NLK: variants seen among roughly 807,000 people sequenced by gnomAD.
NLK encodes the protein nemo like kinase, also known as serine/threonine-protein kinase NLK.
NLK carries 11 observed loss-of-function variants against 59.0 expected under a neutral mutation model. The observed-to-expected ratio is 0.19, with a 90% confidence interval of 0.12 to 0.31. NLK has a LOEUF of 0.31. Among genes scored for constraint, NLK ranks in the 10% least tolerant of loss-of-function variants. The pLI, the probability that NLK is intolerant of heterozygous loss-of-function variation, is 1.00. For synonymous variants in NLK, 235 were observed against 235.9 expected (o/e 1.00, Z 0.03); for missense variants, 410 against 661.1 (o/e 0.62, Z 4.16).
chr17:28,123,074 AC>A (rs1325001026), intron 2 of NLK, among the ~76,000 whole-genome samples: 1 of 152,208 alleles, frequency 6.6e-6, no homozygotes, highest in Non-Finnish European at 1.5e-5. Flanking sequence ...TTCAACCTTA[AC>A]ATATTAGACT....
the NLK span, among the ~76,000 whole-genome samples, chr17:28,201,779 G>A: frequency 6.6e-6 from 1 of 152,124 alleles, no homozygotes; most frequent in East Asian, 1.9e-4. Context: ...ACTTTGGGAG[G>A]CCGAGGCGGG....
intron 5 of NLK, among the ~76,000 whole-genome samples, chr17:28,166,426 C>G (rs1449058102): frequency 2.0e-5 from 3 of 152,028 alleles, no homozygotes; most frequent in Non-Finnish European, 4.4e-5. Flanking sequence ...GAGGGGATTG[C>G]CAAAAATTGG....
chr17:28,075,578 C>CT, intron 1 of NLK, among the ~76,000 whole-genome samples: 1 of 152,180 alleles, frequency 6.6e-6, no homozygotes, highest in Non-Finnish European at 1.5e-5. Context: ...AGCTCTCAGA[C>CT]TTACTTATTT....
intron 3 of NLK, among the ~76,000 whole-genome samples, chr17:28,135,669 A>G (rs1031053160): frequency 1.3e-5 from 2 of 152,246 alleles, no homozygotes; most frequent in Non-Finnish European, 2.9e-5. Context: ...CCATATGTGA[A>G]GAAAGAATGT....
chr17:28,153,223 G>A (rs1484251737), intron 3 of NLK, among the ~76,000 whole-genome samples: 4 of 150,472 alleles, frequency 2.7e-5, no homozygotes, highest in South Asian at 2.1e-4. Context: ...GTGGTGAGCC[G>A]AGATCATGCC....
chr17:28,123,225 G>T (rs963369549), intron 2 of NLK, among the ~76,000 whole-genome samples: 1 of 152,150 alleles, frequency 6.6e-6, no homozygotes, highest in Non-Finnish European at 1.5e-5. Flanking sequence ...CTGAAATGTG[G>T]TGTGCACTCT....
intron 1 of NLK, among the ~76,000 whole-genome samples, chr17:28,075,661 G>T (rs1259206729): frequency 1.3e-5 from 2 of 152,090 alleles, no homozygotes; most frequent in Non-Finnish European, 2.9e-5. Context: ...TTTTGCTTTG[G>T]CTACTATAAA....
intron 2 of NLK, among the ~76,000 whole-genome samples, chr17:28,128,401 T>G (rs1472791640): frequency 6.6e-6 from 1 of 152,206 alleles, no homozygotes; most frequent in Non-Finnish European, 1.5e-5. Context: ...AAATATTCAG[T>G]GTTTGAGGAA....
chr17:28,157,195 A>C (rs1359669503), intron 3 of NLK, among the ~76,000 whole-genome samples: 1 of 147,122 alleles, frequency 6.8e-6, no homozygotes, highest in African/African-American at 2.6e-5. Flanking sequence ...TCTTAAAAAA[A>C]AAATTTTTTT....
At chr17:28,186,836 TGTGAA>T (rs1909137613) in intron 8 of NLK, among the ~76,000 whole-genome samples, 1 of 152,200 alleles carries the variant, frequency 6.6e-6, no homozygotes, top group African/African-American at 2.4e-5. Context: ...CCATGTGGTA[TGTGAA>T]GTGCTTAGTG....
chr17:28,047,910 T>G (rs1909117299), intron 1 of NLK: 1 of 398,342 alleles, frequency 2.5e-6, no homozygotes. Context: ...TTAACTGTGT[T>G]TTACAGGTTG....
intron 3 of NLK, among the ~76,000 whole-genome samples, chr17:28,149,898 A>G (rs1907411285): frequency 6.6e-6 from 1 of 152,216 alleles, no homozygotes; most frequent in Non-Finnish European, 1.5e-5. Context: ...TGGAAAAAAC[A>G]TGGCAAGGGA....
At chr17:28,160,458 AAG>A (rs1907960433) in intron 3 of NLK, among the ~76,000 whole-genome samples, 1 of 152,184 alleles carries the variant, frequency 6.6e-6, no homozygotes. Context: ...CGTGCTTCAC[AAG>A]AGTCTTGAAT....
intron 1 of NLK, among the ~76,000 whole-genome samples, chr17:28,094,207 A>G (rs1369476999): frequency 1.3e-5 from 2 of 152,174 alleles, no homozygotes; most frequent in Non-Finnish European, 2.9e-5. Context: ...CCTAGAATTT[A>G]CTGTATAGGG....
At chr17:28,098,501 G>A (rs182791454) in intron 1 of NLK, among the ~76,000 whole-genome samples, 24 of 152,180 alleles carry the variant, frequency 1.6e-4, no homozygotes, top group Non-Finnish European at 2.5e-4. Context: ...CAGGAAAGGG[G>A]AAGAAAACTG....
intron 4 of NLK, among the ~76,000 whole-genome samples, chr17:28,162,216 C>T (rs1300961682): frequency 1.3e-5 from 2 of 152,022 alleles, no homozygotes; most frequent in Non-Finnish European, 2.9e-5. Flanking sequence ...AGGGTTTCAC[C>T]GTATTAGCCA....
At chr17:28,105,864 G>A (rs1220393489) in intron 1 of NLK, among the ~76,000 whole-genome samples, 2 of 152,150 alleles carry the variant, frequency 1.3e-5, no homozygotes, top group Non-Finnish European at 2.9e-5. Flanking sequence ...ATGCCAACAG[G>A]CTTCAGTGCC....
intron 3 of NLK, among the ~76,000 whole-genome samples, chr17:28,141,678 G>C (rs1033645310): frequency 6.6e-6 from 1 of 152,172 alleles, no homozygotes; most frequent in Non-Finnish European, 1.5e-5. Flanking sequence ...TGGAGAAAAT[G>C]TTAATATTCA....
chr17:28,051,223 CA>C (rs1050564635), intron 1 of NLK, among the ~76,000 whole-genome samples: 2 of 152,126 alleles, frequency 1.3e-5, no homozygotes, highest in Non-Finnish European at 2.9e-5. Flanking sequence ...CTTAAGTATT[CA>C]GTATTACTTT....
Sources: gnomAD v4.1 joint callset for allele counts (sites outside exome capture counted in the v4.1 genomes callset) on GRCh38, gnomAD v4.1.1 for gene constraint, MANE v1.5 for transcripts, NCBI Gene and HGNC (gene_info 2026-07-23, HGNC 2026-07-21) for gene names.